The following IL1RAPL2 variants were observed in gnomAD, a reference collection of about 807,000 sequenced individuals.
The protein encoded by IL1RAPL2 is X-linked interleukin-1 receptor accessory protein-like 2.
Under a neutral mutation model 44.1 loss-of-function variants are expected in IL1RAPL2, and 3 were observed. The observed-to-expected ratio is 0.07, with a 90% CI of 0.03 to 0.18. The LOEUF is 0.18. Ranked by LOEUF, IL1RAPL2 falls within the 10% of genes least tolerant of loss-of-function variation. The pLI is 1.00. For synonymous variants in IL1RAPL2, 181 were observed against 178.8 expected (o/e 1.01, Z -0.10); for missense variants, 391 against 496.4 (o/e 0.79, Z 2.02).
intron 5 of IL1RAPL2, among the ~76,000 whole-genome samples, chrX:105,399,395 C>T (rs1036479884): frequency 4.5e-5 from 5 of 111,257 alleles, no homozygotes; most frequent in African/African-American, 6.5e-5. Context: ...CAAGCAGTCT[C>T]TCCCCTTACC....
intron 5 of IL1RAPL2, among the ~76,000 whole-genome samples, chrX:105,284,521 TTC>T (rs1240434077): frequency 8.9e-6 from 1 of 112,068 alleles, no homozygotes; most frequent in Non-Finnish European, 1.9e-5. Context: ...CCATACTGAA[TTC>T]TTAGTTGGAG....
chrX:105,440,842 C>A (rs765744609), intron 5 of IL1RAPL2, among the ~76,000 whole-genome samples: 1 of 111,130 alleles, frequency 9.0e-6, no homozygotes, highest in African/African-American at 3.3e-5. Flanking sequence ...TGGTTTCCCC[C>A]ATACTGTTCT....
chrX:104,791,608 G>A (rs184589648), intron 2 of IL1RAPL2, among the ~76,000 whole-genome samples: 49 of 112,080 alleles, frequency 4.4e-4, no homozygotes, highest in African/African-American at 1.5e-3. Flanking sequence ...GTCAAATGAG[G>A]TGCTCCCTTA....
Position 105,686,633 on chromosome X carries a change from A to G in IL1RAPL2, c.773-30734A>G, listed in dbSNP as rs527796282. ...CCACACAATAATAATGGGAGACTTT[A>G]ACACCCCACTGTCTGTATTAGACAG... On this transcript the variant is annotated intron_variant, in intron 6 of 10. Transcript: ENST00000372582. Among the ~76,000 whole-genome samples, 15 of 110,998 alleles carry G rather than the reference A, an allele frequency of 1.4e-4. No homozygotes were observed. The South Asian group carries it at 5.8e-3, about 43-fold the overall frequency.
chrX:104,943,084 G>A (rs1044943064), intron 2 of IL1RAPL2, among the ~76,000 whole-genome samples: 8 of 111,335 alleles, frequency 7.2e-5, no homozygotes, highest in Non-Finnish European at 1.5e-4. Context: ...TGTGCTGCTG[G>A]ATTCGGTTTG....
chrX:105,393,476 T>G (rs2035541615), intron 5 of IL1RAPL2, among the ~76,000 whole-genome samples: 2 of 111,774 alleles, frequency 1.8e-5, no homozygotes, highest in Admixed American at 1.9e-4. Context: ...ACCTATATCT[T>G]AGCAGAATTC....
chrX:104,747,691 GC>G (rs1932199957), intron 2 of IL1RAPL2, among the ~76,000 whole-genome samples: 1 of 111,164 alleles, frequency 9.0e-6, no homozygotes, highest in Admixed American at 9.6e-5. Flanking sequence ...CCTGCAAAGA[GC>G]ATTGGAGGCA....
chrX:105,422,411 G>T (rs2035779844), intron 5 of IL1RAPL2, among the ~76,000 whole-genome samples: 2 of 111,878 alleles, frequency 1.8e-5, no homozygotes, highest in African/African-American at 6.5e-5. Flanking sequence ...ATTCAAGTTT[G>T]ATTCCTTAAA....
intron 1 of IL1RAPL2, among the ~76,000 whole-genome samples, chrX:104,652,312 C>T (rs1490342608): frequency 9.0e-6 from 1 of 111,494 alleles, no homozygotes; most frequent in Non-Finnish European, 1.9e-5. Flanking sequence ...AAATATGGTA[C>T]CTCTCAGATC....
intron 2 of IL1RAPL2, among the ~76,000 whole-genome samples, chrX:104,962,294 G>A (rs2030023573): frequency 8.9e-6 from 1 of 112,205 alleles, no homozygotes; most frequent in Non-Finnish European, 1.9e-5. Context: ...TGCAACCAAA[G>A]GAAAGGTTAT....
At chrX:105,528,398 C>G (rs909387461) in intron 6 of IL1RAPL2, among the ~76,000 whole-genome samples, 3 of 111,876 alleles carry the variant, frequency 2.7e-5, no homozygotes, top group African/African-American at 9.7e-5. Flanking sequence ...ATCTAGCCAT[C>G]CAGCCATTCC....
At chrX:105,009,744 TATA>T (rs1184402404) in intron 2 of IL1RAPL2, among the ~76,000 whole-genome samples, 4 of 109,622 alleles carry the variant, frequency 3.6e-5, no homozygotes, top group Non-Finnish European at 7.6e-5. Context: ...AAACTTAAAG[TATA>T]ATAATAATAA....
At chrX:105,155,413 G>C (rs2033260983) in intron 2 of IL1RAPL2, among the ~76,000 whole-genome samples, 1 of 110,974 alleles carries the variant, frequency 9.0e-6, no homozygotes, top group African/African-American at 3.3e-5. Flanking sequence ...ACAGAAGCTT[G>C]GGATGGAAAT....
At chrX:105,127,394 A>G (rs756703621) in intron 2 of IL1RAPL2, among the ~76,000 whole-genome samples, 15 of 111,555 alleles carry the variant, frequency 1.3e-4, no homozygotes, top group Non-Finnish European at 2.8e-4. Flanking sequence ...ATGCGTAGGT[A>G]TCTGCATTAT....
chrX:104,647,641 T>G (rs1296957461), intron 1 of IL1RAPL2: 20 of 540,638 alleles, frequency 3.7e-5, no homozygotes, highest in Non-Finnish European at 5.8e-5. Context: ...TAGTGATGGA[T>G]GGCAGCACAC....
At chrX:105,437,254 A>G (rs1417699795) in intron 5 of IL1RAPL2, among the ~76,000 whole-genome samples, 1 of 110,193 alleles carries the variant, frequency 9.1e-6, no homozygotes, top group Non-Finnish European at 1.9e-5. Context: ...AGTTTTGAGC[A>G]CTATAGAATT....
chrX:104,648,050 A>G (rs1569289222), intron 1 of IL1RAPL2: 2 of 491,151 alleles, frequency 4.1e-6, no homozygotes, highest in Non-Finnish European at 7.2e-6. Flanking sequence ...TGACCTCCAC[A>G]TGAATTCCCC....
intron 2 of IL1RAPL2, among the ~76,000 whole-genome samples, chrX:105,030,143 T>C (rs1480932005): frequency 2.7e-5 from 3 of 111,979 alleles, no homozygotes; most frequent in Non-Finnish European, 5.6e-5. Context: ...TTCTAGATAT[T>C]GGCCCTTTGA....
intron 6 of IL1RAPL2, among the ~76,000 whole-genome samples, chrX:105,624,817 C>T (rs2037442532): frequency 2.7e-5 from 3 of 111,904 alleles, no homozygotes; most frequent in Non-Finnish European, 3.8e-5. Context: ...GTTAACCTCT[C>T]AGCCTTAGTT....
Sources: gnomAD v4.1 joint callset for allele counts (sites outside exome capture counted in the v4.1 genomes callset) on GRCh38, gnomAD v4.1.1 for gene constraint, MANE v1.5 for transcripts, NCBI Gene and HGNC (gene_info 2026-07-23, HGNC 2026-07-21) for gene names.